COL6A6: variants seen among roughly 807,000 people sequenced by gnomAD.
COL6A6 encodes the protein collagen type VI alpha 6 chain.
In COL6A6, 183 loss-of-function variants were observed where a neutral mutation model predicts 208.6. That is an observed-to-expected ratio of 0.88 (90% confidence interval 0.78 to 0.99). The LOEUF (loss-of-function observed/expected upper bound fraction) is 0.99, where lower values mean the gene tolerates loss of function less well. Among genes scored for constraint, COL6A6 ranks in the 50% least tolerant of loss-of-function variants. The pLI is 0.00. For missense variants in COL6A6, 2,816 were observed against 2,815.2 expected (o/e 1.00, Z -0.01); for synonymous variants, 973 against 1,011.8 (o/e 0.96, Z 0.73).
intron 1 of COL6A6, among the ~76,000 whole-genome samples, chr3:130,527,957 C>T (rs1001492699): frequency 1.4e-5 from 2 of 143,070 alleles, no homozygotes; most frequent in African/African-American, 2.6e-5. Context: ...TTGGAAGCAA[C>T]ACCTGGTGTG....
At chr3:130,544,826 T>C (rs909464022) in intron 1 of COL6A6, among the ~76,000 whole-genome samples, 2 of 152,226 alleles carry the variant, frequency 1.3e-5, no homozygotes, top group Non-Finnish European at 2.9e-5. Context: ...CATTTGTATG[T>C]CATCTTTGGA....
chr3:130,563,607 A>G lies in COL6A6; in HGVS notation c.604A>G (p.Ile202Val), dbSNP rs376108254. 1.2e-6 allele frequency: 2 copies of G among 1,613,972 alleles called. No homozygotes were observed. The highest frequency in any genetic ancestry group is 1.3e-5 in the African/African-American group (1 of 75,050). Residue 202 changes from isoleucine (I) to valine (V), a missense_variant, in exon 3 of 37, where the codon ATC becomes GTC. Physicochemically the swap from Ile to Val is conservative, Grantham distance 29 (BLOSUM62 3). Transcript: ENST00000358511. ...CATGTTTTCCCAAAACATGACACAC[A>G]TCATCAAGGATGTAATAAAGTACAA... ...LSMFSQNMTH[I>V]IKDVIKYKEG...
chr3:130,554,252 G>T (rs1387777402), intron 1 of COL6A6, among the ~76,000 whole-genome samples: 1 of 152,222 alleles, frequency 6.6e-6, no homozygotes, highest in Non-Finnish European at 1.5e-5. Context: ...TCTTGTGCAG[G>T]TATTCATAAT....
At chr3:130,549,958 A>G (rs2062605924) in intron 1 of COL6A6, among the ~76,000 whole-genome samples, 1 of 152,138 alleles carries the variant, frequency 6.6e-6, no homozygotes, top group Non-Finnish European at 1.5e-5. Context: ...CATTGAATGT[A>G]TTTCCATTTG....
At position 130,562,628 on chromosome 3, in the gene COL6A6, A is replaced by G. The variant is rs1345378825; in HGVS notation, c.65-440A>G. Among the ~76,000 whole-genome samples the G allele has an allele frequency of 3.3e-5, 5 of 152,342 alleles. No individual in the cohort carries two copies. In the East Asian group the frequency reaches 7.7e-4, roughly 23 times the overall value. On this transcript the variant is annotated intron_variant, in intron 2 of 36. Coordinates refer to ENST00000358511, the MANE Select transcript of COL6A6 (RefSeq NM_001102608.3). ...TCTTTCAGATTTTACCATTAAAGTG[A>G]ATTTGATGGAGTTTGAGTTTCAATT...
chr3:130,565,170 A>G lies in COL6A6; in HGVS notation c.838A>G (p.Ile280Val). The G allele has an allele frequency of 6.2e-7, 1 of 1,614,050 alleles. No homozygotes were observed. Among genetic ancestry groups the G allele is most frequent in the Non-Finnish European group, 8.5e-7 (1 of 1,179,888 alleles). The part of the protein sequence containing the change: ...LVAYSNETKV[I>V]NSLSMGINKS... ...GGCCTATAGCAATGAGACAAAAGTG[A>G]TAAATTCACTGAGCATGGGCATAAA... Residue 280 changes from isoleucine (I) to valine (V), a missense_variant, in exon 4 of 37, where the codon ATA (isoleucine) becomes GTA (valine). Physicochemically the swap from Ile to Val is conservative, Grantham distance 29. Transcript: ENST00000358511.
At chr3:130,651,414 A>T in intron 33 of COL6A6, among the ~76,000 whole-genome samples, 1 of 134,990 alleles carries the variant, frequency 7.4e-6, no homozygotes, top group African/African-American at 2.8e-5. Context: ...TGACAGAGCG[A>T]GACTCCATCT....
At chr3:130,595,004 A>G (rs1052109144) in intron 18 of COL6A6, among the ~76,000 whole-genome samples, 4 of 152,184 alleles carry the variant, frequency 2.6e-5, no homozygotes, top group Non-Finnish European at 5.9e-5. Flanking sequence ...TTACAATTCA[A>G]GATGAGATAT....
chr3:130,608,878 CA>C, intron 21 of COL6A6, 23 bp from the exon 22 acceptor site: 1 of 1,427,184 alleles, frequency 7.0e-7, no homozygotes, highest in South Asian at 1.1e-5. Context: ...ACAGTGTTAA[CA>C]GATTGATTCT....
At chr3:130,522,859 G>T (rs1711152741) in intron 1 of COL6A6, among the ~76,000 whole-genome samples, 1 of 150,998 alleles carries the variant, frequency 6.6e-6, no homozygotes, top group Non-Finnish European at 1.5e-5. Context: ...TGTCATCACT[G>T]CATTTCCAAA....
intron 28 of COL6A6, among the ~76,000 whole-genome samples, chr3:130,639,032 C>T (rs1026486437): frequency 2.0e-5 from 3 of 152,130 alleles, no homozygotes; most frequent in Non-Finnish European, 4.4e-5. Flanking sequence ...TTTATGTTCT[C>T]TATTCCCTAT....
chr3:130,616,045 G>A (rs1281054040), intron 23 of COL6A6, among the ~76,000 whole-genome samples: 1 of 152,086 alleles, frequency 6.6e-6, no homozygotes, highest in Non-Finnish European at 1.5e-5. Flanking sequence ...AAATACCTTT[G>A]TCAGTACAGT....
chr3:130,571,715 C>G (rs1248977248), intron 7 of COL6A6, among the ~76,000 whole-genome samples: 1 of 152,016 alleles, frequency 6.6e-6, no homozygotes, highest in East Asian at 1.9e-4. Context: ...TGCTCTGTTG[C>G]CCAGGCTGGA....
At chr3:130,591,119 C>G in intron 13 of COL6A6, 25 bp downstream of exon 13, 1 of 1,519,728 alleles carries the variant, frequency 6.6e-7, no homozygotes, top group Non-Finnish European at 9.0e-7. Flanking sequence ...TTTTTTACCT[C>G]CATTTATCCC....
rs1347638235 is a variant in COL6A6 at position 130,649,224 on chromosome 3, C to T, written c.5395C>T (p.His1799Tyr). The T allele has an allele frequency of 8.2e-6, 13 of 1,591,982 alleles. No homozygotes were observed. In the African/African-American group the frequency reaches 1.1e-4, roughly 13 times the overall value. Reference protein sequence around the residue: ...VRENSCPVGAHIAILSYNSHA... With the variant: ...VRENSCPVGAYIAILSYNSHA... ...GGAGAACAGCTGCCCCGTGGGAGCGCACATCGCCATCCTCTCCTATAACTC... is the reference window on the plus strand; with the variant it reads ...GGAGAACAGCTGCCCCGTGGGAGCGTACATCGCCATCCTCTCCTATAACTC... The change falls in exon 33 of 37, where the codon CAC becomes TAC. Residue 1799 changes from histidine (H) to tyrosine (Y), a missense_variant. By Grantham distance (83) the His-to-Tyr change is moderately conservative (BLOSUM62 2). Coordinates refer to ENST00000358511, the MANE Select transcript of COL6A6 (RefSeq NM_001102608.3).
At chr3:130,574,876 G>A (rs1030798674) in intron 8 of COL6A6, among the ~76,000 whole-genome samples, 1 of 152,134 alleles carries the variant, frequency 6.6e-6, no homozygotes, top group African/African-American at 2.4e-5. Flanking sequence ...ACTGATTTTT[G>A]GTTGCTTGGC....
At chr3:130,532,502 G>A (rs2062122438) in intron 1 of COL6A6, among the ~76,000 whole-genome samples, 1 of 152,106 alleles carries the variant, frequency 6.6e-6, no homozygotes, top group Non-Finnish European at 1.5e-5. Flanking sequence ...TGTTCCCAGG[G>A]GCTGGTACAC....
intron 28 of COL6A6, among the ~76,000 whole-genome samples, chr3:130,639,521 C>G (rs9821660): frequency 0.37 from 55,469 of 151,632 alleles, 13,229 homozygotes; most frequent in African/African-American, 0.66. Flanking sequence ...GGCCAAACCC[C>G]ATCTCTACAA....
intron 23 of COL6A6, among the ~76,000 whole-genome samples, chr3:130,619,374 C>T (rs925661043): frequency 6.6e-6 from 1 of 152,236 alleles, no homozygotes; most frequent in East Asian, 1.9e-4. Context: ...GAAAAATTTG[C>T]ATGAGTGTGG....
Sources: allele counts gnomAD v4.1 joint callset (sites outside exome capture counted in the v4.1 genomes callset), GRCh38; gene constraint gnomAD v4.1.1; transcripts MANE v1.5; gene names NCBI Gene and HGNC (gene_info 2026-07-23, HGNC 2026-07-21).